The following AIMP2 variants were observed in gnomAD, a reference collection of about 807,000 sequenced individuals.
The protein encoded by AIMP2 is aminoacyl tRNA synthase complex-interacting multifunctional protein 2.
Under a neutral mutation model 23.4 loss-of-function variants are expected in AIMP2, and 20 were observed. The observed-to-expected ratio is 0.85, with a 90% CI of 0.60 to 1.24. The LOEUF is 1.24. AIMP2 is among the 50% of genes most tolerant of loss of function. The pLI is 0.00. For missense variants in AIMP2, 515 were observed against 414.5 expected (o/e 1.24, Z -2.10); for synonymous variants, 210 against 170.4 (o/e 1.23, Z -1.81).
intron 2 of AIMP2, among the ~76,000 whole-genome samples, chr7:6,016,571 G>A (rs112393694): frequency 0.025 from 3,785 of 152,220 alleles, 88 homozygotes; most frequent in Middle Eastern, 0.13. Context: ...ATGAGTTTTC[G>A]AGCATGCGCG....
intron 1 of AIMP2, 159 bp from the exon 2 acceptor site, chr7:6,014,987 T>C: frequency 6.8e-7 from 1 of 1,463,180 alleles, no homozygotes; most frequent in Non-Finnish European, 9.0e-7. Context: ...CCCGAAGTGC[T>C]GGGATTACAG....
Position 6,015,260 on chromosome 7 carries a change from G to C in AIMP2, c.250G>C (p.Asp84His), listed in dbSNP as rs934141232. The change falls in exon 2 of 4, where the codon GAT becomes CAT. Residue 84 changes from aspartate (D) to histidine (H), a missense_variant. Physicochemically the swap from Asp to His is moderately conservative, Grantham distance 81. Transcript: ENST00000223029. ...DGLSKMIQTP[D>H]ADLDVTNIIQ... is the part of the protein sequence containing the mutation. ...CCTCTCCAAGATGATTCAAACACCA[G>C]ATGCAGACTTGGATGTAACCAACAT... 1.2e-5 allele frequency: 20 copies of C among 1,614,086 alleles called. No homozygotes were observed. Among genetic ancestry groups the C allele is most frequent in the African/African-American group, 8.0e-5 (6 of 74,934 alleles).
At chr7:6,022,548 G>A (rs1787502992) in intron 3 of AIMP2, 1 of 152,250 alleles carries the variant, frequency 6.6e-6, no homozygotes, top group Non-Finnish European at 1.5e-5. Context: ...TGGCCACATA[G>A]CGATTTGCAT....
chr7:6,023,364 C>T lies in AIMP2; in HGVS notation c.636C>T (p.Asn212=). The T allele has an allele frequency of 1.2e-6, 2 of 1,613,814 alleles. No individual in the cohort carries two copies. Among genetic ancestry groups the T allele is most frequent in the Non-Finnish European group, 1.7e-6 (2 of 1,179,904 alleles). The change falls in exon 4 of 4, where the codon AAC becomes AAT. Residue 212 remains asparagine, a synonymous_variant. Transcript: ENST00000223029. ...QTMCPIEGEG[N]IARFLFSLFG... ...TGTGCCCCATCGAAGGCGAAGGGAA[C>T]ATTGCACGTTTCTTGTTCTCTCTGT... is the stretch of plus-strand genomic sequence containing the variant.
At chr7:6,014,945 C>G (rs1486878471) in intron 1 of AIMP2, 3 of 1,204,196 alleles carry the variant, frequency 2.5e-6, no homozygotes, top group South Asian at 1.6e-5. Context: ...GTCTTGAACT[C>G]CTGACGTCAG....
intron 2 of AIMP2, among the ~76,000 whole-genome samples, chr7:6,017,319 C>G (rs1787084102): frequency 6.6e-6 from 1 of 151,554 alleles, no homozygotes; most frequent in South Asian, 2.1e-4. Context: ...AGTTCGAGAA[C>G]AGCCTGGGCA....
At chr7:6,018,765 T>C (rs148482317) in intron 3 of AIMP2, among the ~76,000 whole-genome samples, 3,807 of 150,766 alleles carry the variant, frequency 0.025, 141 homozygotes, top group African/African-American at 0.086. Context: ...ACCCAGGAGG[T>C]GGAGGTTGCA....
chr7:6,010,811 T>TG (rs1786627370), intron 1 of AIMP2, among the ~76,000 whole-genome samples: 1 of 151,002 alleles, frequency 6.6e-6, no homozygotes, highest in East Asian at 1.9e-4. Flanking sequence ...CTGGGTGTTT[T>TG]TTTTTTTTTA....
intron 3 of AIMP2, among the ~76,000 whole-genome samples, chr7:6,019,410 G>A (rs1299166265): frequency 3.3e-5 from 5 of 150,312 alleles, no homozygotes; most frequent in Admixed American, 2.0e-4. Context: ...GTGTGAACCC[G>A]GGAGGCAGAG....
chr7:6,015,238 C>G lies in AIMP2; in HGVS notation c.228C>G (p.Leu76=). Reference sequence around the variant, plus strand: ...AGTTGAAAGCTGCAGTTGATGGCCTCTCCAAGATGATTCAAACACCAGATG... The same window carrying G: ...AGTTGAAAGCTGCAGTTGATGGCCTGTCCAAGATGATTCAAACACCAGATG... ...LYELKAAVDG[L]SKMIQTPDAD... is the part of the protein sequence containing the mutation. The change falls in exon 2 of 4, where the codon CTC becomes CTG. Residue 76 remains leucine, a synonymous_variant. Transcript: ENST00000223029. 6.2e-7 allele frequency: 1 copy of G among 1,614,146 alleles called. No individual in the cohort carries two copies. Among genetic ancestry groups the G allele is most frequent in the Non-Finnish European group, 8.5e-7 (1 of 1,180,036 alleles).
chr7:6,017,756 C>G, intron 2 of AIMP2, 58 bp from the exon 3 acceptor site: 1 of 1,491,926 alleles, frequency 6.7e-7, no homozygotes, highest in East Asian at 2.4e-5. Context: ...GACTCGCGCC[C>G]GGCACAGTGG....
chr7:6,012,841 T>C, intron 1 of AIMP2: 1 of 1,011,894 alleles, frequency 9.9e-7, no homozygotes, highest in African/African-American at 1.7e-5. Context: ...TATCAGCCAC[T>C]GTGCCTAGCC....
At chr7:6,011,555 G>A (rs1016233629) in intron 1 of AIMP2, among the ~76,000 whole-genome samples, 1 of 152,110 alleles carries the variant, frequency 6.6e-6, no homozygotes, top group African/African-American at 2.4e-5. Flanking sequence ...TAACTTTTCT[G>A]GTCTGTTTTC....
At chr7:6,019,447 C>A (rs931914551) in intron 3 of AIMP2, among the ~76,000 whole-genome samples, 1 of 143,910 alleles carries the variant, frequency 6.9e-6, no homozygotes, top group Admixed American at 7.2e-5. Context: ...ATCACGCCAG[C>A]GCACTCCAGC....
chr7:6,023,045 G>C (rs925840644), intron 3 of AIMP2: 1 of 410,598 alleles, frequency 2.4e-6, no homozygotes, highest in Non-Finnish European at 4.3e-6. Context: ...GGTGGTCTGA[G>C]GTCCCTTCTA....
chr7:6,021,378 A>G (rs1037979227), intron 3 of AIMP2, among the ~76,000 whole-genome samples: 2 of 151,590 alleles, frequency 1.3e-5, no homozygotes, highest in African/African-American at 4.8e-5. Flanking sequence ...TGATTAGAAC[A>G]TCTTGAAGAG....
At chr7:6,014,910 G>A in intron 1 of AIMP2, 1 of 671,168 alleles carries the variant, frequency 1.5e-6, no homozygotes, top group Admixed American at 3.6e-5. Flanking sequence ...AGTAGAGACG[G>A]GGTTTCACCA....
intron 1 of AIMP2, among the ~76,000 whole-genome samples, chr7:6,011,512 C>T (rs370401160): frequency 1.3e-5 from 2 of 152,308 alleles, no homozygotes; most frequent in African/African-American, 4.8e-5. Context: ...AGAAACAGGC[C>T]TGTCCATTTC....
chr7:6,022,336 T>C (rs1787485578), intron 3 of AIMP2: 2 of 152,216 alleles, frequency 1.3e-5, no homozygotes, highest in South Asian at 4.1e-4. Context: ...CTGTGATGGG[T>C]AAGGCTTCCC....
Sources: gnomAD v4.1 joint callset for allele counts (sites outside exome capture counted in the v4.1 genomes callset) on GRCh38, gnomAD v4.1.1 for gene constraint, MANE v1.5 for transcripts, NCBI Gene and HGNC (gene_info 2026-07-23, HGNC 2026-07-21) for gene names.